The following FBXL17 variants were observed in gnomAD, a reference collection of about 807,000 sequenced individuals.
FBXL17 encodes the protein F-box/LRR-repeat protein 17.
FBXL17 carries 22 observed loss-of-function variants against 66.2 expected under a neutral mutation model. The observed-to-expected ratio is 0.33, with a 90% CI of 0.24 to 0.47. FBXL17 has a LOEUF of 0.47. FBXL17 is among the 20% of genes least tolerant of loss of function. The pLI is 1.00. For missense variants in FBXL17, 878 were observed against 948.2 expected (o/e 0.93, Z 0.97); for synonymous variants, 474 against 400.5 (o/e 1.18, Z -2.19).
chr5:107,979,282 A>C (rs187825358), intron 7 of FBXL17, among the ~76,000 whole-genome samples: 223 of 152,350 alleles, frequency 1.5e-3, no homozygotes, highest in African/African-American at 5.0e-3. Context: ...GGTATAATAT[A>C]GTTTAATCAT....
intron 5 of FBXL17, among the ~76,000 whole-genome samples, chr5:108,213,154 G>A (rs917528661): frequency 3.9e-5 from 6 of 152,056 alleles, no homozygotes; most frequent in Non-Finnish European, 7.4e-5. Context: ...TCCCCCTACC[G>A]AGCTTGAGCC....
chr5:108,323,731 C>T (rs1249322700), intron 4 of FBXL17, among the ~76,000 whole-genome samples: 1 of 152,000 alleles, frequency 6.6e-6, no homozygotes, highest in Non-Finnish European at 1.5e-5. Flanking sequence ...AAGCGTAGTG[C>T]TGGCAAAAAG....
At chr5:107,900,311 T>G (rs539960104) in intron 7 of FBXL17, among the ~76,000 whole-genome samples, 1 of 152,174 alleles carries the variant, frequency 6.6e-6, no homozygotes, top group Non-Finnish European at 1.5e-5. Context: ...ATATATGTAA[T>G]AGTGATTACA....
At chr5:108,358,775 A>G (rs113725114) in intron 3 of FBXL17, among the ~76,000 whole-genome samples, 4,082 of 152,270 alleles carry the variant, frequency 0.027, 173 homozygotes, top group African/African-American at 0.093. Context: ...TCTTCTTTAA[A>G]TATTTGAAAA....
intron 4 of FBXL17, among the ~76,000 whole-genome samples, chr5:108,324,648 G>C (rs139938563): frequency 1.2e-3 from 176 of 152,166 alleles, no homozygotes; most frequent in African/African-American, 4.2e-3. Context: ...TATGTTCATA[G>C]CGTTACTTAT....
At chr5:108,129,586 G>T (rs890281499) in intron 6 of FBXL17, among the ~76,000 whole-genome samples, 12 of 151,920 alleles carry the variant, frequency 7.9e-5, no homozygotes, top group African/African-American at 2.7e-4. Flanking sequence ...AAGACTTCAA[G>T]AATCATTTTG....
chr5:108,337,608 A>G (rs79535218), intron 4 of FBXL17, among the ~76,000 whole-genome samples: 1,773 of 152,188 alleles, frequency 0.012, 31 homozygotes, highest in African/African-American at 0.04. Context: ...GTAATTCTCA[A>G]AGAGTATTTG....
At chr5:108,122,226 CA>C (rs566305924) in intron 6 of FBXL17, among the ~76,000 whole-genome samples, 4 of 152,120 alleles carry the variant, frequency 2.6e-5, no homozygotes, top group Admixed American at 2.6e-4. Context: ...AAAAATCCTA[CA>C]AAGTAGATGG....
At chr5:108,121,058 G>A (rs1260626383) in intron 6 of FBXL17, among the ~76,000 whole-genome samples, 1 of 152,142 alleles carries the variant, frequency 6.6e-6, no homozygotes, top group Non-Finnish European at 1.5e-5. Context: ...GGCCGAGTGC[G>A]GTGGCTCACG....
intron 7 of FBXL17, among the ~76,000 whole-genome samples, chr5:107,992,390 C>T (rs1753287062): frequency 6.6e-6 from 1 of 152,052 alleles, no homozygotes; most frequent in Non-Finnish European, 1.5e-5. Flanking sequence ...GAAAAAAATA[C>T]ATTGTCTCCT....
intron 6 of FBXL17, among the ~76,000 whole-genome samples, chr5:108,152,294 T>C (rs775590158): frequency 1.3e-5 from 2 of 152,214 alleles, no homozygotes; most frequent in African/African-American, 2.4e-5. Flanking sequence ...AATCCTCCAC[T>C]ATTATGCAAT....
chr5:108,134,459 G>T (rs2149979775), intron 6 of FBXL17, among the ~76,000 whole-genome samples: 1 of 152,224 alleles, frequency 6.6e-6, no homozygotes, highest in South Asian at 2.1e-4. Flanking sequence ...TTAAATAACA[G>T]ATAGATATAA....
intron 6 of FBXL17, among the ~76,000 whole-genome samples, chr5:108,074,146 GTACACATTAATA>G (rs1228814955): frequency 1.3e-5 from 2 of 152,124 alleles, no homozygotes; most frequent in African/African-American, 2.4e-5. Flanking sequence ...TGCTCCCAGT[GTACACATTAATA>G]TGAGCGGTCC....
At chr5:107,887,122 A>G (rs1020354552) in intron 7 of FBXL17, among the ~76,000 whole-genome samples, 1 of 152,182 alleles carries the variant, frequency 6.6e-6, no homozygotes, top group Non-Finnish European at 1.5e-5. Flanking sequence ...GTGGTTGTAG[A>G]GGTTGTTAAA....
intron 6 of FBXL17, among the ~76,000 whole-genome samples, chr5:108,088,768 C>G (rs1007257171): frequency 2.1e-5 from 3 of 140,606 alleles, no homozygotes; most frequent in African/African-American, 7.8e-5. Flanking sequence ...TCCAAGGCCT[C>G]TATCCCTTCT....
At position 108,089,501 on chromosome 5, in the gene FBXL17, C is replaced by G. The variant is rs1749109823; in HGVS notation, c.1746-68500G>C. Among the ~76,000 whole-genome samples the G allele has an allele frequency of 3.3e-5, 5 of 152,212 alleles. No homozygotes were observed. In the South Asian group the frequency reaches 6.2e-4, roughly 19 times the overall value. On this transcript the variant is annotated intron_variant, in intron 6 of 8. Coordinates refer to ENST00000542267, the MANE Select transcript of FBXL17 (RefSeq NM_001163315.3). ...AATAACCCCTGCTTCTTCCTTAAAT[C>G]TCTTCTTAATCTCTACCTCCTCAGG...
At chr5:107,953,398 C>A (rs568510305) in intron 7 of FBXL17, among the ~76,000 whole-genome samples, 151 of 123,770 alleles carry the variant, frequency 1.2e-3, no homozygotes, top group Middle Eastern at 4.8e-3. Context: ...GTGAGACTCT[C>A]TCTCAAAAAA....
At chr5:108,002,332 T>C (rs536646580) in intron 7 of FBXL17, among the ~76,000 whole-genome samples, 83 of 152,044 alleles carry the variant, frequency 5.5e-4, no homozygotes, top group African/African-American at 1.9e-3. Flanking sequence ...TCGTCTCTTA[T>C]AGATTTAAAA....
chr5:108,301,000 A>T (rs927819954), intron 4 of FBXL17, among the ~76,000 whole-genome samples: 1 of 151,880 alleles, frequency 6.6e-6, no homozygotes, highest in African/African-American at 2.4e-5. Context: ...GTATACATAT[A>T]CATGTACACA....
Sources: allele counts gnomAD v4.1 joint callset (sites outside exome capture counted in the v4.1 genomes callset), GRCh38; gene constraint gnomAD v4.1.1; transcripts MANE v1.5; gene names NCBI Gene and HGNC (gene_info 2026-07-23, HGNC 2026-07-21).